ANKRD44: variants seen among roughly 807,000 people sequenced by gnomAD.
ANKRD44 encodes serine/threonine-protein phosphatase 6 regulatory ankyrin repeat subunit B.
In ANKRD44, 35 loss-of-function variants were observed where a neutral mutation model predicts 116.0. The observed-to-expected ratio is 0.30, with a 90% confidence interval of 0.23 to 0.40. The LOEUF (loss-of-function observed/expected upper bound fraction) is 0.40, where lower values mean the gene tolerates loss of function less well. Ranked by LOEUF, ANKRD44 falls within the 10% of genes least tolerant of loss-of-function variation. ANKRD44 has a pLI of 1.00. For synonymous variants in ANKRD44, 435 were observed against 461.8 expected (o/e 0.94, Z 0.74); for missense variants, 1,014 against 1,242.6 (o/e 0.82, Z 2.77).
chr2:197,048,364 A>C (rs928692318), intron 16 of ANKRD44, among the ~76,000 whole-genome samples: 2 of 151,758 alleles, frequency 1.3e-5, no homozygotes, highest in Non-Finnish European at 2.9e-5. Context: ...GACAGGCCCC[A>C]GTGTGTGATG....
chr2:197,200,973 G>T (rs535444126), intron 1 of ANKRD44, among the ~76,000 whole-genome samples: 3 of 152,108 alleles, frequency 2.0e-5, no homozygotes, highest in Non-Finnish European at 4.4e-5. Flanking sequence ...AAAGTTTAGT[G>T]TATGTCCTGA....
chr2:197,238,669 C>T (rs981701036), intron 1 of ANKRD44, among the ~76,000 whole-genome samples: 8 of 151,692 alleles, frequency 5.3e-5, no homozygotes, highest in African/African-American at 1.4e-4. Context: ...GTATGGTGCT[C>T]GATGGTGATA....
chr2:197,079,321 A>T (rs1038098012), intron 15 of ANKRD44, among the ~76,000 whole-genome samples: 3 of 152,352 alleles, frequency 2.0e-5, no homozygotes, highest in Admixed American at 1.3e-4. Flanking sequence ...CAATAAAAAG[A>T]TTAAAGGAAT....
intron 6 of ANKRD44, among the ~76,000 whole-genome samples, chr2:197,124,476 G>A (rs1057020933): frequency 1.3e-5 from 2 of 152,080 alleles, no homozygotes; most frequent in Non-Finnish European, 1.5e-5. Context: ...ATTTTTCAAT[G>A]AAAATGAGAA....
intron 8 of ANKRD44, among the ~76,000 whole-genome samples, chr2:197,114,203 C>A (rs902562902): frequency 3.7e-4 from 57 of 152,170 alleles, no homozygotes; most frequent in African/African-American, 1.4e-3. Context: ...ATAAAACATT[C>A]CTTGCGTTCT....
At chr2:197,126,889 G>A (rs991084383) in intron 4 of ANKRD44, among the ~76,000 whole-genome samples, 8 of 152,130 alleles carry the variant, frequency 5.3e-5, no homozygotes, top group African/African-American at 1.9e-4. Context: ...GGCGGCTGAA[G>A]TGGGAGCATC....
chr2:197,063,828 T>TG (rs1374952075), intron 16 of ANKRD44, among the ~76,000 whole-genome samples: 1 of 152,172 alleles, frequency 6.6e-6, no homozygotes, highest in Non-Finnish European at 1.5e-5. Flanking sequence ...TACGTCTGAT[T>TG]GGTGTACCTG....
intron 2 of ANKRD44, among the ~76,000 whole-genome samples, chr2:197,174,902 G>A (rs2080328961): frequency 6.6e-6 from 1 of 152,190 alleles, no homozygotes; most frequent in Non-Finnish European, 1.5e-5. Flanking sequence ...TCCCAGATAA[G>A]GAGGCATTCA....
intron 8 of ANKRD44, among the ~76,000 whole-genome samples, chr2:197,120,529 T>C (rs555595090): frequency 2.0e-5 from 3 of 152,182 alleles, no homozygotes; most frequent in African/African-American, 4.8e-5. Context: ...TGCATGTCTG[T>C]AATCCCAGCT....
intron 2 of ANKRD44, chr2:197,147,997 CT>C: frequency 5.4e-6 from 2 of 367,188 alleles, no homozygotes; most frequent in Middle Eastern, 3.7e-4. Flanking sequence ...CAGTCTGTAT[CT>C]TTGGCAAGGC....
At chr2:197,200,208 G>A (rs1182947602) in intron 1 of ANKRD44, among the ~76,000 whole-genome samples, 1 of 152,168 alleles carries the variant, frequency 6.6e-6, no homozygotes, top group African/African-American at 2.4e-5. Context: ...ACAGATTGGA[G>A]AGGTAATCTG....
intron 1 of ANKRD44, among the ~76,000 whole-genome samples, chr2:197,249,835 A>G (rs1004819865): frequency 6.6e-6 from 1 of 152,254 alleles, no homozygotes; most frequent in Admixed American, 6.5e-5. Flanking sequence ...TACATAAGAC[A>G]GTTATTAAGA....
At chr2:197,264,373 T>G (rs1221698457) in intron 1 of ANKRD44, among the ~76,000 whole-genome samples, 4 of 152,226 alleles carry the variant, frequency 2.6e-5, no homozygotes, top group Admixed American at 2.6e-4. Flanking sequence ...AATACCTCTC[T>G]TGAAGCACTT....
intron 4 of ANKRD44, among the ~76,000 whole-genome samples, chr2:197,131,393 A>T (rs941820820): frequency 6.6e-6 from 1 of 151,696 alleles, no homozygotes; most frequent in East Asian, 1.9e-4. Flanking sequence ...GGGTTTCACC[A>T]TGTTAGCCAG....
At chr2:197,058,530 T>C (rs1457432158) in intron 16 of ANKRD44, among the ~76,000 whole-genome samples, 3 of 152,144 alleles carry the variant, frequency 2.0e-5, no homozygotes, top group East Asian at 1.9e-4. Context: ...CAGAAACTTA[T>C]AGTTGATGTC....
rs757549409 is a variant in ANKRD44, at chr2:197,000,407, T to C, written c.2519+12A>G. 59 of 1,609,684 alleles carry C rather than the reference T, an allele frequency of 3.7e-5. No homozygotes were observed. The highest frequency in any genetic ancestry group is 4.6e-5 in the Non-Finnish European group (54 of 1,176,318). On this transcript the variant is annotated intron_variant, in intron 23 of 27. Coordinates refer to ENST00000282272, the MANE Select transcript of ANKRD44 (RefSeq NM_001195144.2). ...TCATCAAGAAAAAAGCATGCTGTTT[T>C]AGATTACTTACCTGCCTTTGTCATC...
At chr2:197,177,037 C>T (rs1024706209) in intron 2 of ANKRD44, among the ~76,000 whole-genome samples, 1 of 152,136 alleles carries the variant, frequency 6.6e-6, no homozygotes, top group African/African-American at 2.4e-5. Context: ...TGGTAAAAAT[C>T]AGGGCCGGCA....
chr2:197,225,348 T>A (rs1202978799), intron 1 of ANKRD44, among the ~76,000 whole-genome samples: 1 of 152,098 alleles, frequency 6.6e-6, no homozygotes, highest in African/African-American at 2.4e-5. Context: ...TTTCTTTTTG[T>A]TGTTGTTGTT....
intron 2 of ANKRD44, among the ~76,000 whole-genome samples, chr2:197,183,862 C>G (rs145814780): frequency 1.3e-5 from 2 of 152,196 alleles, no homozygotes; most frequent in African/African-American, 2.4e-5. Flanking sequence ...ACACACCCAA[C>G]AGCCCACAAA....
Sources: gnomAD v4.1 joint callset for allele counts (sites outside exome capture counted in the v4.1 genomes callset) on GRCh38, gnomAD v4.1.1 for gene constraint, MANE v1.5 for transcripts, NCBI Gene and HGNC (gene_info 2026-07-23, HGNC 2026-07-21) for gene names.